Variants in MAGI1 observed in about 807,000 individuals in gnomAD.
MAGI1 encodes the protein membrane-associated guanylate kinase, WW and PDZ domain-containing protein 1.
Under a neutral mutation model 139.9 loss-of-function variants are expected in MAGI1, and 58 were observed. That is an observed-to-expected ratio of 0.41 (90% confidence interval 0.34 to 0.52). MAGI1 has a LOEUF of 0.52. MAGI1 is among the 20% of genes least tolerant of loss of function. The probability of loss-of-function intolerance (pLI) is 0.12; values close to 1 mark genes in which losing one functional copy is unlikely to be tolerated. For synonymous variants in MAGI1, 812 were observed against 737.9 expected, an observed-to-expected ratio of 1.10 and a Z score of -1.63; for missense variants, 1,874 against 1,901.6, an observed-to-expected ratio of 0.99 and a Z score of 0.27.
chr3:65,987,028 G>A (rs150494422), intron 1 of MAGI1, among the ~76,000 whole-genome samples: 1,641 of 152,150 alleles, frequency 0.011, 29 homozygotes, highest in African/African-American at 0.037. Flanking sequence ...ACGCCACCAT[G>A]TTCGGCTAAA....
At chr3:65,687,076 C>G (rs886632214) in intron 1 of MAGI1, among the ~76,000 whole-genome samples, 1 of 152,162 alleles carries the variant, frequency 6.6e-6, no homozygotes, top group Non-Finnish European at 1.5e-5. Context: ...AAGAGCAGTA[C>G]TGACATCACT....
intron 1 of MAGI1, chr3:65,873,815 A>C (rs1019479253): frequency 2.6e-5 from 4 of 152,326 alleles, no homozygotes; most frequent in Middle Eastern, 3.4e-3. Context: ...GCAATACACA[A>C]AAAAAATGGA....
chr3:65,567,976 G>C (rs543647959), intron 2 of MAGI1, among the ~76,000 whole-genome samples: 19 of 152,266 alleles, frequency 1.2e-4, no homozygotes, highest in African/African-American at 4.6e-4. Flanking sequence ...GTAGTTAAAT[G>C]TTTCCTTCAA....
intron 1 of MAGI1, among the ~76,000 whole-genome samples, chr3:65,954,840 T>G (rs2064036291): frequency 1.3e-5 from 2 of 152,188 alleles, no homozygotes; most frequent in Non-Finnish European, 2.9e-5. Context: ...GAACAGTGCC[T>G]GGCACTGAGG....
At chr3:65,672,326 T>C (rs1375981285) in intron 1 of MAGI1, among the ~76,000 whole-genome samples, 1 of 152,230 alleles carries the variant, frequency 6.6e-6, no homozygotes, top group Admixed American at 6.5e-5. Flanking sequence ...GGCAAGAAAG[T>C]ACTTTAGAGA....
At chr3:65,373,138 T>C (rs1200917104) in intron 18 of MAGI1, among the ~76,000 whole-genome samples, 1 of 152,216 alleles carries the variant, frequency 6.6e-6, no homozygotes, top group Non-Finnish European at 1.5e-5. Flanking sequence ...TCACTATGCT[T>C]AATCATTTCT....
At chr3:65,710,917 C>G (rs944271432) in intron 1 of MAGI1, among the ~76,000 whole-genome samples, 2 of 152,144 alleles carry the variant, frequency 1.3e-5, no homozygotes, top group Admixed American at 1.3e-4. Flanking sequence ...TTCCTTTTTT[C>G]TCTCTGCTTA....
intron 1 of MAGI1, among the ~76,000 whole-genome samples, chr3:65,734,164 C>T (rs1428655376): frequency 1.3e-5 from 2 of 152,096 alleles, no homozygotes; most frequent in African/African-American, 2.4e-5. Flanking sequence ...AGGTTAAAAA[C>T]ATTATCTTGA....
At chr3:65,800,004 G>C (rs1267335455) in intron 1 of MAGI1, among the ~76,000 whole-genome samples, 1 of 152,122 alleles carries the variant, frequency 6.6e-6, no homozygotes, top group Non-Finnish European at 1.5e-5. Flanking sequence ...CAATTATTCA[G>C]ACTTCCTGAA....
At chr3:65,836,871 T>C (rs2042839952) in intron 1 of MAGI1, among the ~76,000 whole-genome samples, 1 of 152,136 alleles carries the variant, frequency 6.6e-6, no homozygotes, top group Admixed American at 6.6e-5. Context: ...GCCATCACTT[T>C]TGTAAATATC....
chr3:65,740,718 A>T (rs982935281), intron 1 of MAGI1, among the ~76,000 whole-genome samples: 2 of 152,224 alleles, frequency 1.3e-5, no homozygotes, highest in African/African-American at 4.8e-5. Flanking sequence ...GGAAACCTCT[A>T]TCTCTATAAA....
chr3:65,495,068 T>C (rs1470204909), intron 2 of MAGI1, among the ~76,000 whole-genome samples: 3 of 152,186 alleles, frequency 2.0e-5, no homozygotes, highest in African/African-American at 7.2e-5. Context: ...GACAAATCCC[T>C]TGAGGTAGTT....
At chr3:65,789,080 C>T (rs2039581802) in intron 1 of MAGI1, among the ~76,000 whole-genome samples, 1 of 152,092 alleles carries the variant, frequency 6.6e-6, no homozygotes, top group South Asian at 2.1e-4. Context: ...ACTGAGGAGG[C>T]TAAGGCGGGA....
chr3:65,686,242 A>C (rs2088017934), intron 1 of MAGI1, among the ~76,000 whole-genome samples: 1 of 152,084 alleles, frequency 6.6e-6, no homozygotes, highest in Admixed American at 6.5e-5. Flanking sequence ...GGGGTTCTCC[A>C]TAGATGGTAT....
At chr3:65,408,826 C>G (rs1314479181) in intron 12 of MAGI1, among the ~76,000 whole-genome samples, 1 of 152,198 alleles carries the variant, frequency 6.6e-6, no homozygotes, top group African/African-American at 2.4e-5. Flanking sequence ...AATTCACTCA[C>G]TCATGTAACC....
intron 1 of MAGI1, among the ~76,000 whole-genome samples, chr3:65,816,113 C>A (rs1214478851): frequency 6.6e-6 from 1 of 152,132 alleles, no homozygotes; most frequent in African/African-American, 2.4e-5. Context: ...GCCCCCTCCC[C>A]CTCCCAATTC....
intron 1 of MAGI1, among the ~76,000 whole-genome samples, chr3:65,862,251 A>G (rs2059581018): frequency 6.6e-6 from 1 of 152,136 alleles, no homozygotes; most frequent in Non-Finnish European, 1.5e-5. Context: ...CTACCCCATA[A>G]GCTCAGTTTT....
intron 1 of MAGI1, among the ~76,000 whole-genome samples, chr3:65,898,032 T>A (rs992195481): frequency 1.3e-5 from 2 of 152,206 alleles, no homozygotes; most frequent in African/African-American, 4.8e-5. Context: ...AATCCAAATA[T>A]TTAACTCAAG....
chr3:65,688,069 C>T (rs2088218568), intron 1 of MAGI1: 2 of 765,660 alleles, frequency 2.6e-6, no homozygotes, highest in East Asian at 3.2e-5. Context: ...TGTGATAACC[C>T]CAACAGACAG....
Sources: gnomAD v4.1 joint callset for allele counts (sites outside exome capture counted in the v4.1 genomes callset) on GRCh38, gnomAD v4.1.1 for gene constraint, MANE v1.5 for transcripts, NCBI Gene and HGNC (gene_info 2026-07-23, HGNC 2026-07-21) for gene names.